The following CHRM3 variants were observed in gnomAD, a reference collection of about 807,000 sequenced individuals.
CHRM3 encodes muscarinic acetylcholine receptor M3.
In CHRM3, 11 loss-of-function variants were observed where a neutral mutation model predicts 41.8. The observed-to-expected ratio is 0.26, with a 90% CI of 0.17 to 0.44. CHRM3 has a LOEUF of 0.44. CHRM3 is among the 20% of genes least tolerant of loss of function. The pLI is 1.00. For missense variants in CHRM3, 571 were observed against 745.4 expected, an observed-to-expected ratio of 0.77 and a Z score of 2.72; for synonymous variants, 297 against 301.4, an observed-to-expected ratio of 0.99 and a Z score of 0.15.
intron 1 of CHRM3, among the ~76,000 whole-genome samples, chr1:239,484,039 T>G (rs554312724): frequency 1.2e-4 from 19 of 152,224 alleles, no homozygotes; most frequent in Non-Finnish European, 2.5e-4. Flanking sequence ...TTTGAAATTT[T>G]TCCTCAAGAT....
chr1:239,872,227 T>C (rs1053968483), intron 6 of CHRM3, among the ~76,000 whole-genome samples: 3 of 152,194 alleles, frequency 2.0e-5, no homozygotes, highest in Non-Finnish European at 2.9e-5. Flanking sequence ...TCTTTGTAAG[T>C]CAGAAGATCT....
Position 239,889,685 on chromosome 1 carries a change from G to T in CHRM3, c.-19-17748G>T, listed in dbSNP as rs11802401. Among the ~76,000 whole-genome samples the T allele has an allele frequency of 1.7e-3, 258 of 152,296 alleles. 1 individual carries two copies. Among genetic ancestry groups the T allele is most frequent in the African/African-American group, 5.6e-3 (231 of 41,552 alleles). ...ACTTTATCAGTGGTTCAGGAGAGAT[G>T]ATGTTTCAGCCAGTCAGTCCTGGGC... is the stretch of plus-strand genomic sequence containing the variant. On this transcript the variant is annotated intron_variant, in intron 6 of 6. Coordinates refer to ENST00000676153, the MANE Select transcript of CHRM3 (RefSeq NM_001375978.1).
intron 3 of CHRM3, among the ~76,000 whole-genome samples, chr1:239,601,432 G>C (rs942279954): frequency 2.0e-5 from 3 of 152,108 alleles, no homozygotes; most frequent in Non-Finnish European, 4.4e-5. Flanking sequence ...ATCTGGCAGA[G>C]CTTATTGAGA....
intron 5 of CHRM3, among the ~76,000 whole-genome samples, chr1:239,733,790 G>A (rs1022883428): frequency 1.3e-5 from 2 of 152,032 alleles, no homozygotes; most frequent in African/African-American, 4.8e-5. Context: ...AGAAAAGGAA[G>A]TAACCACTTA....
At chr1:239,688,070 G>T (rs1346887091) in intron 5 of CHRM3, among the ~76,000 whole-genome samples, 1 of 151,636 alleles carries the variant, frequency 6.6e-6, no homozygotes, top group Admixed American at 6.6e-5. Context: ...TAAGGTAGTT[G>T]CCAGCCTGAA....
chr1:239,589,420 G>GA (rs1023638146), intron 3 of CHRM3, among the ~76,000 whole-genome samples: 30 of 151,002 alleles, frequency 2.0e-4, no homozygotes, highest in Admixed American at 1.6e-3. Context: ...CACTGTTCAT[G>GA]AAAAAATCAC....
chr1:239,693,750 C>T (rs1572006598), intron 5 of CHRM3, among the ~76,000 whole-genome samples: 2 of 152,188 alleles, frequency 1.3e-5, no homozygotes, highest in South Asian at 2.1e-4. Context: ...ATAGTTTGAC[C>T]GTGTCTTATT....
At chr1:239,545,144 T>G (rs919762385) in intron 2 of CHRM3, among the ~76,000 whole-genome samples, 1 of 152,220 alleles carries the variant, frequency 6.6e-6, no homozygotes, top group Non-Finnish European at 1.5e-5. Flanking sequence ...TAATGTTACA[T>G]TGAGTTACTA....
chr1:239,602,090 A>ATGTG (rs1553337601), intron 3 of CHRM3, among the ~76,000 whole-genome samples: 8,226 of 130,946 alleles, frequency 0.063, 418 homozygotes, highest in African/African-American at 0.14. Context: ...ACATATATAC[A>ATGTG]TGTGTGTGTG....
At chr1:239,630,376 T>C (rs530105564) in intron 3 of CHRM3, among the ~76,000 whole-genome samples, 1 of 152,192 alleles carries the variant, frequency 6.6e-6, no homozygotes, top group Non-Finnish European at 1.5e-5. Context: ...CTACTGTAAA[T>C]ATTTACTGAG....
Position 239,665,886 on chromosome 1 carries a change from A to G in CHRM3, c.-249-12300A>G, listed in dbSNP as rs554360007. ...GGTTGCATAGTATTACACGGTGTAT[A>G]TGTGCCACATTTTCTTTATCCAATC... On this transcript the variant is annotated intron_variant, in intron 4 of 6. Transcript: ENST00000676153. 2.0e-5 allele frequency among the ~76,000 whole-genome samples: 3 copies of G among 152,294 alleles called. No homozygotes were observed. The South Asian group carries it at 6.2e-4, about 32-fold the overall frequency.
chr1:239,503,042 A>C (rs1668342778), intron 2 of CHRM3, among the ~76,000 whole-genome samples: 1 of 152,154 alleles, frequency 6.6e-6, no homozygotes, highest in East Asian at 1.9e-4. Flanking sequence ...TCAACATAGT[A>C]CTGAAAGTCC....
Position 239,692,569 on chromosome 1 carries a change from G to A in CHRM3, c.-147+14281G>A, listed in dbSNP as rs144925251. Among the ~76,000 whole-genome samples, 898 of 152,186 alleles carry A rather than the reference G, an allele frequency of 5.9e-3. 8 individuals carry two copies. Among genetic ancestry groups the A allele is most frequent in the African/African-American group, 0.021 (859 of 41,546 alleles). Reference sequence around the variant, plus strand: ...AGTAAATTGGTTCCATTACTCAAGAGGAACATGGACAATTTGAAGAGGGTT... The same window carrying A: ...AGTAAATTGGTTCCATTACTCAAGAAGAACATGGACAATTTGAAGAGGGTT... On this transcript the variant is annotated intron_variant, in intron 5 of 6. Coordinates refer to ENST00000676153, the MANE Select transcript of CHRM3 (RefSeq NM_001375978.1).
chr1:239,494,643 A>C (rs944077498), intron 2 of CHRM3, among the ~76,000 whole-genome samples: 1 of 152,024 alleles, frequency 6.6e-6, no homozygotes, highest in Non-Finnish European at 1.5e-5. Flanking sequence ...CTATCAACCC[A>C]TCATCTAGGT....
At chr1:239,770,620 T>G (rs1221321645) in intron 5 of CHRM3, among the ~76,000 whole-genome samples, 1 of 152,114 alleles carries the variant, frequency 6.6e-6, no homozygotes, top group East Asian at 1.9e-4. Flanking sequence ...AGATGACTGC[T>G]TGAATGACCA....
chr1:239,809,468 G>C (rs886085312), intron 5 of CHRM3, among the ~76,000 whole-genome samples: 1 of 151,642 alleles, frequency 6.6e-6, no homozygotes, highest in African/African-American at 2.4e-5. Context: ...GAATGAGTCC[G>C]AGGTCCACTT....
Position 239,827,349 on chromosome 1 carries a change from C to T in CHRM3, c.-49C>T, listed in dbSNP as rs993911276. 9.9e-5 allele frequency: 15 copies of T among 152,110 alleles called. No homozygotes were observed. Among genetic ancestry groups the T allele is most frequent in the African/African-American group, 3.4e-4 (14 of 41,414 alleles). The allele number at this position is 152,110 out of a possible 1,614,324, so 9.4% of individuals were successfully genotyped here. The stretch of plus-strand genomic sequence containing the variant: ...AGAGATTATGTCACTGTTTTGCATC[C>T]TTGTTACATAACTCAGTTCCTGGTA... On this transcript the variant is annotated 5_prime_UTR_variant, in exon 6 of 7. Coordinates refer to ENST00000676153, the MANE Select transcript of CHRM3 (RefSeq NM_001375978.1).
chr1:239,661,951 G>A lies in CHRM3; in HGVS notation c.-249-16235G>A, dbSNP rs371167532. Among the ~76,000 whole-genome samples, 12 of 152,072 alleles carry A rather than the reference G, an allele frequency of 7.9e-5. No homozygotes were observed. In the East Asian group the frequency reaches 1.5e-3, roughly 20 times the overall value. Reference sequence around the variant, plus strand: ...TTTATAGGAACTCTCTGTAGTTTCTGTTCTACTTTTCTGCAAACCTAAAAC... The same window carrying A: ...TTTATAGGAACTCTCTGTAGTTTCTATTCTACTTTTCTGCAAACCTAAAAC... On this transcript the variant is annotated intron_variant, in intron 4 of 6. Transcript: ENST00000676153.
intron 6 of CHRM3, among the ~76,000 whole-genome samples, chr1:239,851,432 G>A (rs879313763): frequency 4.6e-5 from 7 of 152,104 alleles, no homozygotes; most frequent in Non-Finnish European, 8.8e-5. Context: ...TATTTGGCAG[G>A]AGCAGGCAAA....
Sources: gnomAD v4.1 joint callset for allele counts (sites outside exome capture counted in the v4.1 genomes callset) on GRCh38, gnomAD v4.1.1 for gene constraint, MANE v1.5 for transcripts, NCBI Gene and HGNC (gene_info 2026-07-23, HGNC 2026-07-21) for gene names.